Variants in DLAT observed in about 807,000 individuals in gnomAD.
The protein encoded by DLAT is dihydrolipoamide S-acetyltransferase, also known as dihydrolipoyllysine-residue acetyltransferase component of pyruvate dehydrogenase complex, mitochondrial.
In DLAT, 43 loss-of-function variants were observed where a neutral mutation model predicts 68.0. The ratio of observed to expected loss-of-function variants is 0.63; its 90% confidence interval spans 0.50 to 0.81. The LOEUF is 0.81. Among genes scored for constraint, DLAT ranks in the 40% least tolerant of loss-of-function variants. The pLI is 0.00. For missense variants in DLAT, 745 were observed against 815.4 expected (o/e 0.91, Z 1.05); for synonymous variants, 265 against 288.6 (o/e 0.92, Z 0.83).
chr11:112,027,910 CCGTGGGGAGAGGGAGAGGGAGACGGAGAG>C (rs1862161790), intron 2 of DLAT, among the ~76,000 whole-genome samples: 2 of 106,388 alleles, frequency 1.9e-5, no homozygotes, highest in African/African-American at 3.6e-5. Flanking sequence ...GAGAGGGAGA[CCGTGGGGAGAGGGAGAGGGAGACGGAGAG>C]GGAGAGGGAG....
intron 13 of DLAT, chr11:112,061,460 AT>A: frequency 5.4e-6 from 2 of 372,682 alleles, no homozygotes; most frequent in Non-Finnish European, 9.8e-6. Flanking sequence ...CTTACTGGAA[AT>A]TTGTGGAATT....
intron 5 of DLAT, among the ~76,000 whole-genome samples, chr11:112,035,447 T>G (rs1862652111): frequency 6.6e-6 from 1 of 152,196 alleles, no homozygotes; most frequent in African/African-American, 2.4e-5. Flanking sequence ...TGGTTGAACT[T>G]TGAAGTCTAT....
intron 7 of DLAT, among the ~76,000 whole-genome samples, chr11:112,040,486 A>G: frequency 6.6e-6 from 1 of 152,128 alleles, no homozygotes. Context: ...TTCTGTTTTG[A>G]TGCTCTGCCA....
At chr11:112,038,099 CAT>C (rs587750622) in intron 6 of DLAT, among the ~76,000 whole-genome samples, 66 of 152,296 alleles carry the variant, frequency 4.3e-4, no homozygotes, top group African/African-American at 1.4e-3. Flanking sequence ...ATGCTAGAAT[CAT>C]GTGAGTTTAA....
chr11:112,038,850 A>G (rs1862906071), intron 6 of DLAT, among the ~76,000 whole-genome samples: 1 of 150,254 alleles, frequency 6.7e-6, no homozygotes, highest in Admixed American at 6.6e-5. Flanking sequence ...TGTCTCAAAT[A>G]AAAAGAAAAA....
chr11:112,028,597 G>C lies in DLAT; in HGVS notation c.464G>C (p.Arg155Thr), dbSNP rs911840587. 2 of 1,614,140 alleles carry C rather than the reference G, an allele frequency of 1.2e-6. No individual in the cohort carries two copies. Among genetic ancestry groups the C allele is most frequent in the Non-Finnish European group, 8.5e-7 (1 of 1,180,030 alleles). Residue 155 changes from arginine (R) to threonine (T), a missense_variant, in exon 3 of 14, where the codon AGG becomes ACG. By Grantham distance (71) the Arg-to-Thr change is moderately conservative (BLOSUM62 -1). Coordinates refer to ENST00000280346, the MANE Select transcript of DLAT (RefSeq NM_001931.5). The part of the protein sequence containing the change: ...MAKILVAEGT[R>T]DVPIGAIICI... ...AAGATACTTGTTGCTGAAGGTACCA[G>C]GGATGTTCCCATCGGAGCGATCATC...
chr11:112,048,488 A>G (rs1407336403), intron 10 of DLAT, among the ~76,000 whole-genome samples: 2 of 152,172 alleles, frequency 1.3e-5, no homozygotes, highest in African/African-American at 4.8e-5. Flanking sequence ...CCCTGGCCAG[A>G]ACTTCCAATA....
At chr11:112,045,024 G>C in intron 8 of DLAT, 114 bp from the exon 9 acceptor site, 1 of 778,410 alleles carries the variant, frequency 1.3e-6, no homozygotes, top group Non-Finnish European at 2.2e-6. Context: ...GACAGAGCAA[G>C]ACTCTGTCTC....
At chr11:112,033,362 G>A (rs782633252) in intron 4 of DLAT, 42 bp from the exon 5 acceptor site, 47 of 1,606,866 alleles carry the variant, frequency 2.9e-5, no homozygotes, top group Admixed American at 6.7e-5. Flanking sequence ...TTATGTAGAA[G>A]TCTTCCTGGT....
intron 5 of DLAT, among the ~76,000 whole-genome samples, chr11:112,036,202 T>TGTGTGTGTGTGTG (rs61074225): frequency 2.4e-4 from 5 of 21,236 alleles, no homozygotes; most frequent in African/African-American, 8.6e-4. Flanking sequence ...TGTGTGTGTG[T>TGTGTGTGTGTGTG]TTTTTTTTTT....
At chr11:112,061,416 T>C (rs1555183273) in intron 13 of DLAT, 3 of 481,218 alleles carry the variant, frequency 6.2e-6, no homozygotes, top group African/African-American at 3.9e-5. Context: ...ATGGATCCAG[T>C]GTAGTGCCCG....
At chr11:112,058,913 GTA>G (rs1202107818) in intron 11 of DLAT, among the ~76,000 whole-genome samples, 1 of 152,046 alleles carries the variant, frequency 6.6e-6, no homozygotes, top group African/African-American at 2.4e-5. Flanking sequence ...CTGAATTTCA[GTA>G]TAGTTTCTCT....
chr11:112,057,957 A>AT (rs1442765530), intron 11 of DLAT, among the ~76,000 whole-genome samples: 1 of 152,222 alleles, frequency 6.6e-6, no homozygotes, highest in African/African-American at 2.4e-5. Context: ...CTTAGTAGAC[A>AT]ACAGTGTAGT....
intron 4 of DLAT, among the ~76,000 whole-genome samples, chr11:112,032,964 T>G (rs996648212): frequency 9.2e-5 from 14 of 152,086 alleles, no homozygotes. Context: ...CTCGGGAGGC[T>G]GAGGCAGGAG....
chr11:112,040,122 TGTTA>T (rs1346768958), intron 7 of DLAT, among the ~76,000 whole-genome samples: 1 of 152,194 alleles, frequency 6.6e-6, no homozygotes. Context: ...ACTCAATACA[TGTTA>T]GTTGTCATTC....
chr11:112,050,176 AT>A (rs1489913012), intron 10 of DLAT, among the ~76,000 whole-genome samples: 1 of 152,178 alleles, frequency 6.6e-6, no homozygotes, highest in Non-Finnish European at 1.5e-5. Context: ...ACATTAATGG[AT>A]TTTCAGATGT....
intron 11 of DLAT, among the ~76,000 whole-genome samples, chr11:112,053,005 G>A (rs587682905): frequency 6.6e-6 from 1 of 152,122 alleles, no homozygotes; most frequent in Non-Finnish European, 1.5e-5. Context: ...CAAAGACCAA[G>A]TATATATTAT....
At chr11:112,041,950 G>A (rs587692700) in intron 7 of DLAT, among the ~76,000 whole-genome samples, 25 of 151,808 alleles carry the variant, frequency 1.6e-4, no homozygotes, top group Non-Finnish European at 3.5e-4. Flanking sequence ...AGATGAGATT[G>A]GAAAAAAACA....
intron 6 of DLAT, among the ~76,000 whole-genome samples, chr11:112,038,642 C>G (rs1186795034): frequency 6.7e-6 from 1 of 150,294 alleles, no homozygotes; most frequent in East Asian, 2.0e-4. Flanking sequence ...GTCAGGAGTT[C>G]AAGACCAGCC....
Sources: allele counts gnomAD v4.1 joint callset (sites outside exome capture counted in the v4.1 genomes callset), GRCh38; gene constraint gnomAD v4.1.1; transcripts MANE v1.5; gene names NCBI Gene and HGNC (gene_info 2026-07-23, HGNC 2026-07-21).